POU6F2: variants seen among roughly 807,000 people sequenced by gnomAD.
POU6F2 encodes the protein POU domain, class 6, transcription factor 2.
POU6F2 carries 31 observed loss-of-function variants against 71.3 expected under a neutral mutation model. The ratio of observed to expected loss-of-function variants is 0.43; its 90% CI spans 0.33 to 0.59. The LOEUF is 0.59. POU6F2 is among the 20% of genes least tolerant of loss of function. The pLI, the probability that POU6F2 is intolerant of heterozygous loss-of-function variation, is 0.04. For missense variants in POU6F2, 783 were observed against 856.8 expected (o/e 0.91, Z 1.07); for synonymous variants, 347 against 355.7 (o/e 0.98, Z 0.27).
At chr7:39,273,830 G>A (rs1477464037) in intron 4 of POU6F2, among the ~76,000 whole-genome samples, 2 of 151,942 alleles carry the variant, frequency 1.3e-5, no homozygotes, top group African/African-American at 4.8e-5. Flanking sequence ...CCTTAGAGAA[G>A]CCTATGTTGG....
chr7:39,252,094 T>C (rs1040723776), intron 4 of POU6F2, among the ~76,000 whole-genome samples: 1 of 152,118 alleles, frequency 6.6e-6, no homozygotes, highest in African/African-American at 2.4e-5. Flanking sequence ...TGGCTATCCC[T>C]GTTGTTTCTC....
intron 5 of POU6F2, among the ~76,000 whole-genome samples, chr7:39,397,585 C>T (rs1220132113): frequency 2.0e-5 from 3 of 148,654 alleles, no homozygotes; most frequent in South Asian, 2.1e-4. Context: ...CTTCGCCTCC[C>T]GGGCTCAAGT....
chr7:39,107,736 C>T (rs6956307), intron 2 of POU6F2, among the ~76,000 whole-genome samples: 64,870 of 151,822 alleles, frequency 0.43, 14,372 homozygotes, highest in East Asian at 0.69. Flanking sequence ...GCCCTTGGGC[C>T]CTTGTCCTCT....
intron 2 of POU6F2, among the ~76,000 whole-genome samples, chr7:39,185,035 T>C (rs1180800121): frequency 6.6e-6 from 1 of 152,232 alleles, no homozygotes; most frequent in Non-Finnish European, 1.5e-5. Context: ...ATTACATAGA[T>C]ACATATCATT....
chr7:39,022,303 C>CAT lies in POU6F2; in HGVS notation c.105+44254_105+44255dup, dbSNP rs1312795280. Among the ~76,000 whole-genome samples the CAT allele has an allele frequency of 4.6e-5, 7 of 152,104 alleles. No homozygotes were observed. The South Asian group carries it at 6.2e-4, about 14-fold the overall frequency. On this transcript the variant is annotated intron_variant, in intron 1 of 9. Transcript: ENST00000518318. ...CTTCTCAAAATTCACTAAAATGAAACATATATATATGTATGCTTATTTAAT... is the reference window on the plus strand; with the variant it reads ...CTTCTCAAAATTCACTAAAATGAAACATATATATATATGTATGCTTATTTAAT...
intron 6 of POU6F2, among the ~76,000 whole-genome samples, chr7:39,407,048 A>C (rs1787449880): frequency 6.6e-6 from 1 of 152,202 alleles, no homozygotes; most frequent in Non-Finnish European, 1.5e-5. Context: ...AAAAGAAAAA[A>C]GTTACATCTT....
intron 4 of POU6F2, among the ~76,000 whole-genome samples, chr7:39,246,469 T>C (rs1308085130): frequency 6.6e-6 from 1 of 152,150 alleles, no homozygotes; most frequent in African/African-American, 2.4e-5. Context: ...GGAACATTAG[T>C]GGAAGATGTG....
intron 2 of POU6F2, among the ~76,000 whole-genome samples, chr7:39,176,199 C>G (rs1793325803): frequency 6.6e-6 from 1 of 152,104 alleles, no homozygotes; most frequent in Non-Finnish European, 1.5e-5. Context: ...TGAATTTGTT[C>G]TTGGGCTGTG....
chr7:39,460,877 C>T lies in POU6F2; in HGVS notation c.1658+162C>T, dbSNP rs1280449397. Reference sequence around the variant, plus strand: ...TTGGGATTGGTGATCTTGATGCAAACGACGCTGCTGAAGCAAATTTGGGGG... The same window carrying T: ...TTGGGATTGGTGATCTTGATGCAAATGACGCTGCTGAAGCAAATTTGGGGG... On this transcript the variant is annotated intron_variant, in intron 9 of 9. Transcript: ENST00000518318. This position sits in a 1 kb window ranked among gnomAD's most constrained non-coding sequence, Gnocchi z 4.4. Among the ~76,000 whole-genome samples the T allele has an allele frequency of 6.6e-6, 1 of 152,108 alleles. No homozygotes were observed. Among genetic ancestry groups the T allele is most frequent in the African/African-American group, 2.4e-5 (1 of 41,398 alleles).
At chr7:39,028,147 G>A (rs1349648387) in intron 1 of POU6F2, among the ~76,000 whole-genome samples, 1 of 151,590 alleles carries the variant, frequency 6.6e-6, no homozygotes, top group African/African-American at 2.4e-5. Context: ...TCTGTGAAAA[G>A]CCTGTTCATG....
chr7:39,302,593 A>G (rs1319171237), intron 4 of POU6F2, among the ~76,000 whole-genome samples: 1 of 152,244 alleles, frequency 6.6e-6, no homozygotes, highest in African/African-American at 2.4e-5. Context: ...TGGACTCTCT[A>G]CAGTGGTTAG....
chr7:39,291,331 C>T (rs947028209), intron 4 of POU6F2, among the ~76,000 whole-genome samples: 1 of 152,186 alleles, frequency 6.6e-6, no homozygotes, highest in Admixed American at 6.5e-5. Context: ...TGCATTATTT[C>T]AGGTTTTGCA....
chr7:39,291,815 C>T (rs1456062189), intron 4 of POU6F2, among the ~76,000 whole-genome samples: 1 of 152,162 alleles, frequency 6.6e-6, no homozygotes, highest in African/African-American at 2.4e-5. Context: ...ACAAAAATGA[C>T]ATTCAGCTGA....
At chr7:39,146,877 A>G (rs571126624) in intron 2 of POU6F2, among the ~76,000 whole-genome samples, 6 of 152,312 alleles carry the variant, frequency 3.9e-5, no homozygotes, top group South Asian at 2.1e-4. Flanking sequence ...CTATGCTCCA[A>G]ATAATTAGTT....
chr7:39,406,900 G>A (rs111869953), intron 6 of POU6F2, among the ~76,000 whole-genome samples, 160 bp downstream of exon 6: 24 of 152,262 alleles, frequency 1.6e-4, no homozygotes, highest in African/African-American at 5.1e-4. Context: ...GTTGGGAGGT[G>A]TTTCTATGTT....
chr7:39,465,011 C>A lies in POU6F2; in HGVS notation c.*325C>A. On this transcript the variant is annotated 3_prime_UTR_variant, in exon 10 of 10. Transcript: ENST00000518318. ...GTTTTTTAATGGACTTAAAGCAAAC[C>A]AAATAACCACGTACTTTTTTCTGTA... The A allele has an allele frequency of 1.2e-5, 3 of 244,190 alleles. No homozygotes were observed. Among genetic ancestry groups the A allele is most frequent in the East Asian group, 7.5e-5 (1 of 13,304 alleles). 15.1% of individuals were successfully genotyped at this position (244,190 alleles called of 1,614,324 possible).
chr7:39,145,347 G>A (rs1429694617), intron 2 of POU6F2, among the ~76,000 whole-genome samples: 4 of 152,204 alleles, frequency 2.6e-5, no homozygotes, highest in Non-Finnish European at 5.9e-5. Context: ...AGCATATGAT[G>A]TTTATGAGAG....
intron 2 of POU6F2, among the ~76,000 whole-genome samples, chr7:39,164,156 C>T (rs772123308): frequency 9.2e-5 from 14 of 151,612 alleles, no homozygotes; most frequent in African/African-American, 2.4e-4. Flanking sequence ...TTAGCCATTC[C>T]GCAATGTATA....
At chr7:39,073,358 G>A (rs1315302549) in intron 1 of POU6F2, among the ~76,000 whole-genome samples, 3 of 142,056 alleles carry the variant, frequency 2.1e-5, no homozygotes, top group East Asian at 4.2e-4. Context: ...GATAGCTGAC[G>A]GAATGGGGAG....
Sources: gnomAD v4.1 joint callset for allele counts (sites outside exome capture counted in the v4.1 genomes callset) on GRCh38, gnomAD v4.1.1 for gene constraint, Gnocchi (gnomAD v3.1) non-coding constraint, MANE v1.5 for transcripts, NCBI Gene and HGNC (gene_info 2026-07-23, HGNC 2026-07-21) for gene names.